Variants in CSMD1 observed in about 807,000 individuals in gnomAD.
The protein encoded by CSMD1 is CUB and sushi domain-containing protein 1.
In CSMD1, 213 loss-of-function variants were observed where a neutral mutation model predicts 417.5. The observed-to-expected ratio is 0.51, with a 90% CI of 0.46 to 0.57. The LOEUF is 0.57. Ranked by LOEUF, CSMD1 falls within the 20% of genes least tolerant of loss-of-function variation. The pLI is 0.00. For synonymous variants in CSMD1, 2,862 were observed against 1,736.8 expected (o/e 1.65, Z -16.11); for missense variants, 6,923 against 4,529.7 (o/e 1.53, Z -15.17).
intron 26 of CSMD1, among the ~76,000 whole-genome samples, chr8:3,257,356 G>C (rs1443084532): frequency 6.6e-6 from 1 of 152,220 alleles, no homozygotes; most frequent in Non-Finnish European, 1.5e-5. Flanking sequence ...AGTGCCTACT[G>C]CATGTCAGTT....
intron 5 of CSMD1, among the ~76,000 whole-genome samples, chr8:3,992,025 G>T (rs999433423): frequency 6.6e-6 from 1 of 151,886 alleles, no homozygotes; most frequent in Non-Finnish European, 1.5e-5. Context: ...TTTAATTAAA[G>T]CAGGGGTTTA....
intron 1 of CSMD1, among the ~76,000 whole-genome samples, chr8:4,820,843 T>A (rs2117384878): frequency 6.6e-6 from 1 of 152,302 alleles, no homozygotes; most frequent in Admixed American, 6.5e-5. Context: ...AGCTAAATAC[T>A]AATGCAAGAA....
intron 1 of CSMD1, among the ~76,000 whole-genome samples, chr8:4,882,605 C>A (rs1028605303): frequency 6.6e-6 from 1 of 151,850 alleles, no homozygotes; most frequent in Non-Finnish European, 1.5e-5. Context: ...GAGAAAGATG[C>A]AATGAGGTAT....
intron 2 of CSMD1, among the ~76,000 whole-genome samples, chr8:4,621,550 T>G (rs1037223582): frequency 1.3e-5 from 2 of 152,108 alleles, no homozygotes; most frequent in Non-Finnish European, 2.9e-5. Context: ...ATACATTGAA[T>G]TTTTTATTTA....
intron 53 of CSMD1, among the ~76,000 whole-genome samples, chr8:2,999,089 C>T (rs1807163997): frequency 6.6e-6 from 1 of 151,598 alleles, no homozygotes; most frequent in Non-Finnish European, 1.5e-5. Flanking sequence ...ATATTTATCG[C>T]TGAAGTTATA....
chr8:4,618,453 C>A (rs952158775), intron 2 of CSMD1, among the ~76,000 whole-genome samples: 1 of 151,858 alleles, frequency 6.6e-6, no homozygotes, highest in South Asian at 2.1e-4. Context: ...CTGTTAGGGA[C>A]CTAAGGCCTA....
chr8:4,664,346 G>C lies in CSMD1; in HGVS notation c.86-26788C>G, dbSNP rs185839669. 8.2e-3 allele frequency among the ~76,000 whole-genome samples: 1,248 copies of C among 152,270 alleles called. 10 individuals carry two copies. Among genetic ancestry groups the C allele is most frequent in the African/African-American group, 0.018 (767 of 41,552 alleles). On this transcript the variant is annotated intron_variant, in intron 1 of 69. Transcript: ENST00000635120. ...AGGCTGAGGCGGGCGGATCACTTGA[G>C]CTCAGGAGTTCTAGACCAGCCTGGG...
chr8:2,973,373 G>C (rs950943652), intron 56 of CSMD1, 74 bp from the exon 57 acceptor site: 3 of 1,427,396 alleles, frequency 2.1e-6, no homozygotes, highest in East Asian at 2.3e-5. Flanking sequence ...CACACTTAAA[G>C]ATAATGAAAA....
At chr8:3,918,267 T>C (rs1274747176) in intron 5 of CSMD1, among the ~76,000 whole-genome samples, 1 of 152,088 alleles carries the variant, frequency 6.6e-6, no homozygotes, top group Non-Finnish European at 1.5e-5. Context: ...TTGTTGTTTT[T>C]AGCAGCCTAC....
chr8:3,751,038 C>A (rs1003973485), intron 6 of CSMD1, among the ~76,000 whole-genome samples: 5 of 152,102 alleles, frequency 3.3e-5, no homozygotes, highest in African/African-American at 1.2e-4. Flanking sequence ...TAGTACTGAA[C>A]CTAACCTTCC....
rs768264857 is a variant in CSMD1 at position 4,964,501 on chromosome 8, C to CAAAAAAAAAAA, written c.85+29830_85+29831insTTTTTTTTTTT. ...ATCACAACACAGCAAGACCCTGTCT[C>CAAAAAAAAAAA]CAAAAAAAAAAAAAAAAAAAAAAAG... is the stretch of plus-strand genomic sequence containing the variant. On this transcript the variant is annotated intron_variant, in intron 1 of 69. Coordinates refer to ENST00000635120, the MANE Select transcript of CSMD1 (RefSeq NM_033225.6). 9.9e-5 allele frequency among the ~76,000 whole-genome samples: 8 copies of CAAAAAAAAAAA among 81,060 alleles called. 3 individuals carry two copies. The highest frequency in any genetic ancestry group is 1.7e-4 in the African/African-American group (3 of 18,168). The allele number at this position is 81,060 out of a possible 152,430, so 53.2% of individuals were successfully genotyped here.
At chr8:4,912,182 G>T (rs1805733252) in intron 1 of CSMD1, among the ~76,000 whole-genome samples, 1 of 128,624 alleles carries the variant, frequency 7.8e-6, no homozygotes, top group Non-Finnish European at 1.8e-5. Flanking sequence ...AAAAGACAAT[G>T]CATAAAATTA....
At position 3,012,888 on chromosome 8, in the gene CSMD1, A is replaced by C. The variant is rs1269707834; in HGVS notation, c.8029+5589T>G. ...GTCAAGGATGGAGACAGGAAGAGAT[A>C]ATTGAATCATGGGGGCGGGAGTTTC... On this transcript the variant is annotated intron_variant, in intron 52 of 69. Coordinates refer to ENST00000635120, the MANE Select transcript of CSMD1 (RefSeq NM_033225.6). 5.9e-5 allele frequency among the ~76,000 whole-genome samples: 9 copies of C among 152,180 alleles called. 1 individual carries two copies. The highest frequency in any genetic ancestry group is 4.6e-4 in the Admixed American group (7 of 15,272).
At chr8:4,433,567 C>G (rs1464516996) in intron 2 of CSMD1, among the ~76,000 whole-genome samples, 2 of 152,114 alleles carry the variant, frequency 1.3e-5, no homozygotes, top group Non-Finnish European at 2.9e-5. Context: ...ACATGTGCTG[C>G]AACAGAGAGA....
At chr8:4,071,706 T>C (rs574731354) in intron 3 of CSMD1, among the ~76,000 whole-genome samples, 8 of 152,362 alleles carry the variant, frequency 5.3e-5, no homozygotes, top group African/African-American at 1.7e-4. Flanking sequence ...TTGGAGATTT[T>C]AGACTCTGTT....
intron 2 of CSMD1, among the ~76,000 whole-genome samples, chr8:4,601,044 T>G (rs1449215885): frequency 6.6e-6 from 1 of 151,048 alleles, no homozygotes; most frequent in African/African-American, 2.4e-5. Flanking sequence ...GCAACCTCCG[T>G]CTCCCAGGTT....
chr8:3,078,113 T>A (rs927617496), intron 49 of CSMD1, among the ~76,000 whole-genome samples: 1 of 152,252 alleles, frequency 6.6e-6, no homozygotes, highest in African/African-American at 2.4e-5. Flanking sequence ...GTGAGATATA[T>A]AGTTGATCTC....
At chr8:4,226,845 T>C (rs577625746) in intron 3 of CSMD1, among the ~76,000 whole-genome samples, 1 of 152,236 alleles carries the variant, frequency 6.6e-6, no homozygotes, top group African/African-American at 2.4e-5. Flanking sequence ...CAAATGCATG[T>C]AGTCTCCCCC....
intron 37 of CSMD1, among the ~76,000 whole-genome samples, chr8:3,180,679 G>A (rs560990254): frequency 7.9e-5 from 12 of 152,016 alleles, no homozygotes; most frequent in South Asian, 4.2e-4. Flanking sequence ...TCTGTCACCC[G>A]GGCTGGTGTG....
Sources: allele counts gnomAD v4.1 joint callset (sites outside exome capture counted in the v4.1 genomes callset), GRCh38; gene constraint gnomAD v4.1.1; transcripts MANE v1.5; gene names NCBI Gene and HGNC (gene_info 2026-07-23, HGNC 2026-07-21).